Variants in RSF1 observed in about 807,000 individuals in gnomAD.
RSF1 encodes remodeling and spacing factor 1, also known as HBV pX-associated protein 8.
A neutral mutation model predicts 145.2 loss-of-function variants in RSF1; 13 were observed. The observed-to-expected ratio is 0.09, with a 90% confidence interval of 0.06 to 0.14. The LOEUF (loss-of-function observed/expected upper bound fraction) is 0.14, where lower values mean the gene tolerates loss of function less well. RSF1 is among the 10% of genes least tolerant of loss of function. The pLI is 1.00. For synonymous variants in RSF1, 577 were observed against 592.6 expected (o/e 0.97, Z 0.38); for missense variants, 1,517 against 1,718.2 (o/e 0.88, Z 2.07).
chr11:77,820,785 C>A, upstream of RSF1: 1 of 1,463,474 alleles, frequency 6.8e-7, no homozygotes, highest in Non-Finnish European at 9.1e-7. Context: ...GATGGCAAGG[C>A]AACCTTACAG....
chr11:77,779,549 A>AAT (rs1323299925), intron 1 of RSF1, among the ~76,000 whole-genome samples: 2 of 151,322 alleles, frequency 1.3e-5, no homozygotes, highest in African/African-American at 4.9e-5. Flanking sequence ...CGCCTGGCTA[A>AAT]TTTTGTAGTT....
chr11:77,700,641 G>T, intron 6 of RSF1, 80 bp downstream of exon 6: 1 of 1,013,706 alleles, frequency 9.9e-7, no homozygotes, highest in Non-Finnish European at 1.4e-6. Context: ...TGTCTTTGAT[G>T]ACTAAGTTTT....
intron 1 of RSF1, among the ~76,000 whole-genome samples, chr11:77,802,687 G>A (rs1411867927): frequency 6.6e-6 from 1 of 152,062 alleles, no homozygotes; most frequent in Non-Finnish European, 1.5e-5. Flanking sequence ...GGGATTACAG[G>A]CACGCACCAG....
chr11:77,691,064 C>T (rs1306928816), intron 9 of RSF1, 95 bp downstream of exon 9: 15 of 1,244,426 alleles, frequency 1.2e-5, no homozygotes, highest in Non-Finnish European at 1.4e-5. Flanking sequence ...CCACAGTATG[C>T]CAATCCTTGT....
intron 1 of RSF1, among the ~76,000 whole-genome samples, chr11:77,774,606 A>AAATG (rs1948322073): frequency 7.7e-6 from 1 of 130,040 alleles, no homozygotes; most frequent in African/African-American, 2.8e-5. Flanking sequence ...ATAAATAAAT[A>AAATG]AATAAATAAA....
chr11:77,801,283 C>T (rs1402359605), intron 1 of RSF1, among the ~76,000 whole-genome samples: 1 of 152,064 alleles, frequency 6.6e-6, no homozygotes, highest in African/African-American at 2.4e-5. Flanking sequence ...ACAAAAGTAG[C>T]CGGGTGTGGT....
chr11:77,830,626 G>A, the RSF1 span, among the ~76,000 whole-genome samples: 10 of 151,798 alleles, frequency 6.6e-5, no homozygotes, highest in East Asian at 1.9e-4. Context: ...TTTTATTCCC[G>A]CGTTTGCCCC....
intron 15 of RSF1, among the ~76,000 whole-genome samples, chr11:77,670,816 A>G (rs1181079080): frequency 1.3e-5 from 2 of 151,946 alleles, no homozygotes; most frequent in Non-Finnish European, 2.9e-5. Flanking sequence ...TCTTCAAAAC[A>G]GGCCATAAAG....
At chr11:77,791,629 T>G (rs1439911492) in intron 1 of RSF1, among the ~76,000 whole-genome samples, 4 of 152,222 alleles carry the variant, frequency 2.6e-5, no homozygotes, top group Non-Finnish European at 5.9e-5. Context: ...CTTAGAAATT[T>G]CTTCCGCCAG....
intron 1 of RSF1, among the ~76,000 whole-genome samples, chr11:77,780,023 C>CT (rs1382921148): frequency 1.3e-5 from 2 of 152,216 alleles, no homozygotes; most frequent in Non-Finnish European, 2.9e-5. Flanking sequence ...TTAATCCAGA[C>CT]TAAGTGCCAA....
rs1259767700 is a variant in RSF1, at chr11:77,660,086, G to GA, written c.*6830dup. The GA allele has an allele frequency of 6.6e-6, 1 of 152,122 alleles. No individual in the cohort carries two copies. The highest frequency in any genetic ancestry group is 1.9e-4 in the East Asian group (1 of 5,202). 9.4% of individuals were successfully genotyped at this position (152,122 alleles called of 1,614,324 possible). On this transcript the variant is annotated 3_prime_UTR_variant, in exon 16 of 16. Transcript: ENST00000308488. ...CAGAAGTATTATAATAAAACATTTT[G>GA]AAAGAAAAAGTTACACAATTAGGCC...
chr11:77,804,015 G>A (rs1019424003), intron 1 of RSF1, among the ~76,000 whole-genome samples: 6 of 152,100 alleles, frequency 3.9e-5, no homozygotes, highest in African/African-American at 1.2e-4. Flanking sequence ...GGGCTGCAGT[G>A]GGCCATGTTG....
chr11:77,813,840 CACACACA>C (rs1948755990), intron 1 of RSF1: 1 of 203,700 alleles, frequency 4.9e-6, no homozygotes, highest in Admixed American at 5.3e-5. Context: ...CACACACACA[CACACACA>C]CACACACACA....
the RSF1 span, among the ~76,000 whole-genome samples, chr11:77,846,628 C>G: frequency 1.3e-5 from 2 of 152,182 alleles, no homozygotes; most frequent in Non-Finnish European, 2.9e-5. Context: ...ATCGCTTGAA[C>G]CCGGGAGGTG....
At chr11:77,834,106 T>G in the RSF1 span, among the ~76,000 whole-genome samples, 1 of 152,242 alleles carries the variant, frequency 6.6e-6, no homozygotes, top group Admixed American at 6.5e-5. Flanking sequence ...TTAAATCTTA[T>G]AATCCTAGAC....
At chr11:77,756,594 G>C (rs969668125) in intron 2 of RSF1, among the ~76,000 whole-genome samples, 4 of 152,128 alleles carry the variant, frequency 2.6e-5, no homozygotes, top group African/African-American at 9.7e-5. Flanking sequence ...CATGGAGGTA[G>C]TAAAATGGGT....
chr11:77,747,610 A>C (rs1316350565), intron 2 of RSF1, among the ~76,000 whole-genome samples: 1 of 152,202 alleles, frequency 6.6e-6, no homozygotes, highest in African/African-American at 2.4e-5. Flanking sequence ...GCATATGAAA[A>C]CTTATGTAAC....
At position 77,700,729 on chromosome 11, in the gene RSF1, C is replaced by A. The variant is rs771012578; in HGVS notation, c.2500G>T (p.Val834Leu). Reference sequence around the variant, plus strand: ...GTTAAGACAAGTTTTACCTTGCTTACTTTAGAATTTGTATCTTTCTCTGAT... The same window carrying A: ...GTTAAGACAAGTTTTACCTTGCTTAATTTAGAATTTGTATCTTTCTCTGAT... ...KKSEKDTNSK[V>L]SKVKPKGKVR... The change falls in exon 6 of 16, where the codon GTA becomes TTA. Residue 834 changes from valine (V) to leucine (L), a missense_variant. Coordinates refer to ENST00000308488, the MANE Select transcript of RSF1 (RefSeq NM_016578.4). 6.3e-7 allele frequency: 1 copy of A among 1,576,562 alleles called. No individual in the cohort carries two copies. Among genetic ancestry groups the A allele is most frequent in the South Asian group, 1.2e-5 (1 of 83,970 alleles).
chr11:77,664,167 G>T lies in RSF1; in HGVS notation c.*2750C>A, dbSNP rs1959303981. 1 of 152,174 alleles carries T rather than the reference G, an allele frequency of 6.6e-6. No individual in the cohort carries two copies. Among genetic ancestry groups the T allele is most frequent in the Non-Finnish European group, 1.5e-5 (1 of 68,018 alleles). The allele number at this position is 152,174 out of a possible 1,614,324, so 9.4% of individuals were successfully genotyped here. A position where few individuals can be genotyped will look rare whatever the true frequency, so the allele number is the denominator to read the frequency against. On this transcript the variant is annotated 3_prime_UTR_variant, in exon 16 of 16. Coordinates refer to ENST00000308488, the MANE Select transcript of RSF1 (RefSeq NM_016578.4). ...GTGATCATAAACTCTTTGAGGGACT[G>T]AATCTGAACTCCAAGCAGCAAAACC...
Sources: allele counts gnomAD v4.1 joint callset (sites outside exome capture counted in the v4.1 genomes callset), GRCh38; gene constraint gnomAD v4.1.1; transcripts MANE v1.5; gene names NCBI Gene and HGNC (gene_info 2026-07-23, HGNC 2026-07-21).